Variants in BPTF observed in about 807,000 individuals in gnomAD.
The protein encoded by BPTF is nucleosome-remodeling factor subunit BPTF.
BPTF carries 18 observed loss-of-function variants against 292.5 expected under a neutral mutation model. The ratio of observed to expected loss-of-function variants is 0.06; its 90% CI spans 0.04 to 0.09. The LOEUF (loss-of-function observed/expected upper bound fraction) is 0.09. Ranked by LOEUF, BPTF falls within the 10% of genes least tolerant of loss-of-function variation. The probability of loss-of-function intolerance (pLI) is 1.00; values close to 1 mark genes in which losing one functional copy is unlikely to be tolerated. For synonymous variants in BPTF, 1,225 were observed against 1,251.9 expected (o/e 0.98, Z 0.45); for missense variants, 2,726 against 3,498.7 (o/e 0.78, Z 5.57).
At chr17:67,967,834 T>G (rs1265007181) in intron 26 of BPTF, among the ~76,000 whole-genome samples, 1 of 150,096 alleles carries the variant, frequency 6.7e-6, no homozygotes, top group African/African-American at 2.5e-5. Flanking sequence ...AAAAAAAGAT[T>G]GGAAATGAAA....
rs782064603 is a variant in BPTF at position 67,959,640 on chromosome 17, G to C, written c.8026G>C (p.Ala2676Pro). The C allele has an allele frequency of 2.5e-6, 4 of 1,599,950 alleles. No individual in the cohort carries two copies. Among genetic ancestry groups the C allele is most frequent in the South Asian group, 1.1e-5 (1 of 89,270 alleles). ...TGCACCCTGCCCCCCAGTGACACCA[G>C]CTCCTCCAGCCCCTCCAGCCCCTCC... ...VAAPCPPVTPAPPAPPAPPPS... is the reference protein window; with the variant it reads ...VAAPCPPVTPPPPAPPAPPPS... The change falls in exon 24 of 28, where the codon GCT (alanine) becomes CCT (proline). Residue 2676 changes from alanine to proline, a missense_variant. By Grantham distance (27) the Ala-to-Pro change is conservative (BLOSUM62 -1). Around this residue, in one of 22 missense-constraint regions of BPTF, gnomAD observed 148 missense variants for 145.5 expected, o/e 1.02. Transcript: ENST00000306378.
chr17:67,881,910 A>G (rs2060452642), intron 4 of BPTF, among the ~76,000 whole-genome samples: 1 of 116,456 alleles, frequency 8.6e-6, no homozygotes. Flanking sequence ...TCTGTCACCC[A>G]GGCTGGAGTG....
chr17:67,902,104 A>G (rs1245895579), intron 7 of BPTF, among the ~76,000 whole-genome samples: 1 of 152,170 alleles, frequency 6.6e-6, no homozygotes, highest in African/African-American at 2.4e-5. Flanking sequence ...GATTAGCCAT[A>G]AGACTGCCTA....
At chr17:67,918,682 A>C in intron 11 of BPTF, 32 bp from the exon 12 acceptor site, 1 of 1,590,266 alleles carries the variant, frequency 6.3e-7, no homozygotes, top group Non-Finnish European at 8.6e-7. Context: ...ATACATATAG[A>C]TATATATGGA....
intron 23 of BPTF, among the ~76,000 whole-genome samples, chr17:67,948,874 G>A (rs782016195): frequency 3.3e-5 from 5 of 152,160 alleles, no homozygotes; most frequent in African/African-American, 9.6e-5. Context: ...CCAGGTACTC[G>A]AGAGGCTGAG....
At chr17:67,839,620 G>T (rs997024591) in intron 1 of BPTF, among the ~76,000 whole-genome samples, 3 of 152,146 alleles carry the variant, frequency 2.0e-5, no homozygotes, top group Non-Finnish European at 4.4e-5. Context: ...CTATGTTGTT[G>T]TGTGTATCAG....
chr17:67,950,062 A>AC (rs1197486426), intron 23 of BPTF, among the ~76,000 whole-genome samples: 3 of 150,908 alleles, frequency 2.0e-5, no homozygotes, highest in African/African-American at 7.3e-5. Flanking sequence ...AAAAAAAAAA[A>AC]AAAAAAAAAA....
At chr17:67,931,852 C>T (rs1261415109) in intron 17 of BPTF, 59 bp from the exon 18 acceptor site, 1 of 1,286,302 alleles carries the variant, frequency 7.8e-7, no homozygotes, top group Non-Finnish European at 1.1e-6. Flanking sequence ...TGTTCTAAGT[C>T]CATTATACTT....
chr17:67,863,416 C>G (rs548139361), intron 2 of BPTF, among the ~76,000 whole-genome samples: 34 of 152,312 alleles, frequency 2.2e-4, no homozygotes, highest in African/African-American at 7.0e-4. Flanking sequence ...TCCCAAGTAG[C>G]TGGGACTACA....
At chr17:67,962,437 T>C (rs1267407651) in intron 24 of BPTF, among the ~76,000 whole-genome samples, 1 of 152,202 alleles carries the variant, frequency 6.6e-6, no homozygotes. Flanking sequence ...CCTTTTGTCA[T>C]TAGGTCTTTT....
In BPTF at chr17:67,922,168, C is replaced by A. The variant is rs115476567; in HGVS notation, c.5558-672C>A. Reference sequence around the variant, plus strand: ...GCCTTTGATGCAAACCACTGCAGTCCCCTAAAATCACTTCTCTTTGGCTTG... The same window carrying A: ...GCCTTTGATGCAAACCACTGCAGTCACCTAAAATCACTTCTCTTTGGCTTG... On this transcript the variant is annotated intron_variant, in intron 13 of 27. Transcript: ENST00000306378. Among the ~76,000 whole-genome samples, 600 of 152,258 alleles carry A rather than the reference C, an allele frequency of 3.9e-3. 5 individuals are homozygous for A. Among genetic ancestry groups the A allele is most frequent in the African/African-American group, 0.013 (560 of 41,544 alleles).
At chr17:67,975,371 C>T (rs1424709294) in intron 26 of BPTF, 1 of 154,830 alleles carries the variant, frequency 6.5e-6, no homozygotes, top group African/African-American at 2.4e-5. Context: ...GATCATAAAG[C>T]CACTAGTACA....
In BPTF at chr17:67,959,544, G is replaced by A. The variant is rs781828267; in HGVS notation, c.7930G>A (p.Glu2644Lys). 3 of 1,513,730 alleles carry A rather than the reference G, an allele frequency of 2.0e-6. No homozygotes were observed. Among genetic ancestry groups the A allele is most frequent in the Non-Finnish European group, 2.6e-6 (3 of 1,134,462 alleles). 93.8% of individuals were successfully genotyped at this position (1,513,730 alleles called of 1,614,324 possible). A position where few individuals can be genotyped will look rare whatever the true frequency, so the allele number is the denominator to read the frequency against. ...TATTGTCTTTAATTGATAACAGGAA[G>A]AGCTGAAGAGAGACCTGAAAATTAA... Reference protein sequence around the residue: ...DKDLQIEVQEELKRDLKIKKE... With the variant: ...DKDLQIEVQEKLKRDLKIKKE... The change falls in exon 24 of 28, where the codon GAG (glutamate) becomes AAG (lysine). Residue 2644 changes from glutamate (E) to lysine (K), a missense_variant. By Grantham distance (56) the Glu-to-Lys change is moderately conservative (BLOSUM62 1). This residue lies in a region of BPTF where 148 missense variants were observed against 145.5 expected (regional missense o/e 1.02). Transcript: ENST00000306378.
At chr17:67,936,621 G>T (rs2064939318) in intron 18 of BPTF, 1 of 152,134 alleles carries the variant, frequency 6.6e-6, no homozygotes, top group African/African-American at 2.4e-5. Flanking sequence ...CCCCTGTGAG[G>T]ATAGGGTTTG....
intron 6 of BPTF, 71 bp downstream of exon 6, chr17:67,893,796 G>T: frequency 1.5e-6 from 2 of 1,368,630 alleles, no homozygotes; most frequent in African/African-American, 1.5e-5. Context: ...TTGTAGTTGT[G>T]CATTTGAAAA....
chr17:67,852,500 T>C (rs1288595891), intron 1 of BPTF, among the ~76,000 whole-genome samples: 2 of 152,174 alleles, frequency 1.3e-5, no homozygotes, highest in African/African-American at 4.8e-5. Flanking sequence ...TGACATTCTA[T>C]TCATTGTTCT....
rs557606707 is a variant in BPTF at position 67,869,750 on chromosome 17, G to C, written c.1660+3063G>C. ...TGTAATCCCAGCATTTTGGGAGGCTGAGGCGGGCGGATCACGAGGTCAGGA... is the reference window on the plus strand; with the variant it reads ...TGTAATCCCAGCATTTTGGGAGGCTCAGGCGGGCGGATCACGAGGTCAGGA... On this transcript the variant is annotated intron_variant, in intron 3 of 27. Transcript: ENST00000306378. Among the ~76,000 whole-genome samples the C allele has an allele frequency of 1.3e-4, 19 of 150,658 alleles. 1 individual carries two copies. In the South Asian group the frequency reaches 4.0e-3, roughly 32 times the overall value.
chr17:67,957,165 C>G (rs555904479), intron 23 of BPTF: 1 of 152,156 alleles, frequency 6.6e-6, no homozygotes, highest in South Asian at 2.1e-4. Context: ...TGCCTGTAAT[C>G]CCAGCTACTC....
chr17:67,844,070 C>CT lies in BPTF; in HGVS notation c.614-9843dup, dbSNP rs35407119. Among the ~76,000 whole-genome samples the CT allele has an allele frequency of 4.2e-3, 396 of 94,316 alleles. 13 individuals carry two copies. Among genetic ancestry groups the CT allele is most frequent in the African/African-American group, 8.3e-3 (223 of 26,810 alleles). The allele number at this position is 94,316 out of a possible 152,430, so 61.9% of individuals were successfully genotyped here. On this transcript the variant is annotated intron_variant, in intron 1 of 27. Coordinates refer to ENST00000306378, the MANE Select transcript of BPTF (RefSeq NM_182641.4). ...GTGAGCCACCGTGCCCGGCCCCCGCCTTTTTTTTTTTTTTTTTTTTTTTTT... is the reference window on the plus strand; with the variant it reads ...GTGAGCCACCGTGCCCGGCCCCCGCCTTTTTTTTTTTTTTTTTTTTTTTTTT...
Sources: allele counts gnomAD v4.1 joint callset (sites outside exome capture counted in the v4.1 genomes callset), GRCh38; gene constraint gnomAD v4.1.1; regional missense constraint gnomAD v4.1.1; transcripts MANE v1.5; gene names NCBI Gene and HGNC (gene_info 2026-07-23, HGNC 2026-07-21).